SNAI3: variants seen among roughly 807,000 people sequenced by gnomAD.
SNAI3 encodes zinc finger protein SNAI3.
A neutral mutation model predicts 16.4 loss-of-function variants in SNAI3; 21 were observed. That is an observed-to-expected ratio of 1.28 (90% CI 0.91 to 1.85). The LOEUF (loss-of-function observed/expected upper bound fraction) is 1.85, where lower values mean the gene tolerates loss of function less well. Ranked by LOEUF, SNAI3 falls within the 40% of genes most tolerant of loss-of-function variation. The pLI is 0.00. For synonymous variants in SNAI3, 202 were observed against 166.6 expected (o/e 1.21, Z -1.64); for missense variants, 457 against 372.8 (o/e 1.23, Z -1.86).
In SNAI3 at chr16:88,681,169, G is replaced by C. The variant is rs752056919; in HGVS notation, c.622C>G (p.Pro208Ala). 7 of 1,613,860 alleles carry C rather than the reference G, an allele frequency of 4.3e-6. No homozygotes were observed. ...LKMHIRTHTLPCTCKICGKAF... is the reference protein window; with the variant it reads ...LKMHIRTHTLACTCKICGKAF... ...TTGCCACAGATCTTGCAGGTGCAGG[G>C]CAGCGTGTGAGTGCGGATGTGCATC... The change falls in exon 2 of 3, where the codon CCC becomes GCC. Residue 208 changes from proline (P) to alanine (A), a missense_variant. Coordinates refer to ENST00000332281, the MANE Select transcript of SNAI3 (RefSeq NM_178310.4). This position sits in a 1 kb window ranked among gnomAD's most constrained non-coding sequence, Gnocchi z 5.4.
intron 1 of SNAI3, among the ~76,000 whole-genome samples, chr16:88,684,726 A>G (rs972063297): frequency 6.6e-6 from 1 of 152,186 alleles, no homozygotes; most frequent in African/African-American, 2.4e-5. Context: ...CCTGACCTCA[A>G]GTGATCTGCC....
chr16:88,686,461 G>C lies in SNAI3; in HGVS notation c.-55C>G, dbSNP rs1413381758. ...GGCTGGGGCGGGAGGGGCGCGCCTG[G>C]GTCCGGACTGCTGCGTCCGCCGGCG... is the stretch of plus-strand genomic sequence containing the variant. On this transcript the variant is annotated 5_prime_UTR_variant, in exon 1 of 3. Transcript: ENST00000332281. 1.9e-6 allele frequency: 3 copies of C among 1,585,102 alleles called. No homozygotes were observed. Among genetic ancestry groups the C allele is most frequent in the Non-Finnish European group, 2.6e-6 (3 of 1,170,988 alleles).
At chr16:88,685,179 A>G (rs1909314613) in intron 1 of SNAI3, 1 of 152,238 alleles carries the variant, frequency 6.6e-6, no homozygotes, top group African/African-American at 2.4e-5. Flanking sequence ...CACATAACAG[A>G]AGCCAGTGTC....
At position 88,681,633 on chromosome 16, in the gene SNAI3, C is replaced by T; in HGVS notation, c.158G>A (p.Gly53Asp). 6.8e-7 allele frequency: 1 copy of T among 1,468,534 alleles called. No individual in the cohort carries two copies. Among genetic ancestry groups the T allele is most frequent in the Non-Finnish European group, 9.0e-7 (1 of 1,105,994 alleles). The allele number at this position is 1,468,534 out of a possible 1,614,324, so 91.0% of individuals were successfully genotyped here. ...PRDKEAPSVP[G>D]DLPQPWDRSS... ...GCGGTCCCAGGGCTGGGGAAGGTCACCGGGCACAGAAGGGGCCTCCTTGTC... is the reference window on the plus strand; with the variant it reads ...GCGGTCCCAGGGCTGGGGAAGGTCATCGGGCACAGAAGGGGCCTCCTTGTC... Residue 53 changes from glycine to aspartate, a missense_variant, in exon 2 of 3, where the codon GGT becomes GAT. Physicochemically the swap from Gly to Asp is moderately conservative, Grantham distance 94. Transcript: ENST00000332281. This position sits in a 1 kb window ranked among gnomAD's most constrained non-coding sequence, Gnocchi z 5.4.
At chr16:88,682,613 G>C (rs1909212502) in intron 1 of SNAI3, among the ~76,000 whole-genome samples, 1 of 152,112 alleles carries the variant, frequency 6.6e-6, no homozygotes, top group Non-Finnish European at 1.5e-5. Context: ...TGAGGCTTTG[G>C]GTAGAGACAG....
At chr16:88,683,743 C>T (rs561359852) in intron 1 of SNAI3, among the ~76,000 whole-genome samples, 27 of 151,888 alleles carry the variant, frequency 1.8e-4, no homozygotes, top group South Asian at 4.2e-4. Context: ...GTTTAGTAGA[C>T]GCGGGTTTTT....
intron 1 of SNAI3, among the ~76,000 whole-genome samples, chr16:88,683,524 G>A (rs1051944791): frequency 6.7e-6 from 1 of 148,758 alleles, no homozygotes; most frequent in Non-Finnish European, 1.5e-5. Context: ...AAAGTACTGG[G>A]ATTACAGGCA....
At chr16:88,678,693 C>A in intron 2 of SNAI3, 64 bp from the exon 3 acceptor site, 1 of 1,534,012 alleles carries the variant, frequency 6.5e-7, no homozygotes, top group South Asian at 1.2e-5. Context: ...AAGCACCCAC[C>A]CTGCCCATCA....
intron 1 of SNAI3, among the ~76,000 whole-genome samples, chr16:88,682,604 G>A (rs1194955102): frequency 6.6e-6 from 1 of 152,168 alleles, no homozygotes; most frequent in African/African-American, 2.4e-5. Flanking sequence ...CCTCCATGCT[G>A]AGGCTTTGGG....
rs372730251 is a variant in SNAI3 at position 88,681,457 on chromosome 16, G to C, written c.334C>G (p.Leu112Val). 3 of 1,598,298 alleles carry C rather than the reference G, an allele frequency of 1.9e-6. No homozygotes were observed. Among genetic ancestry groups the C allele is most frequent in the Non-Finnish European group, 2.6e-6 (3 of 1,169,084 alleles). Reference sequence around the variant, plus strand: ...AGCACCAGCAGTGGGGGCAGGTTGAGGTGGTTCAGGCTGTCTTTGAGGGGT... The same window carrying C: ...AGCACCAGCAGTGGGGGCAGGTTGACGTGGTTCAGGCTGTCTTTGAGGGGT... ...IVPLKDSLNH[L>V]NLPPLLVLPT... The change falls in exon 2 of 3, where the codon CTC becomes GTC. Residue 112 changes from leucine to valine, a missense_variant. Physicochemically the swap from Leu to Val is conservative, Grantham distance 32 (BLOSUM62 1). Coordinates refer to ENST00000332281, the MANE Select transcript of SNAI3 (RefSeq NM_178310.4). The surrounding 1 kb of genome is among the most constrained non-coding windows in gnomAD (Gnocchi z 5.4).
Position 88,686,478 on chromosome 16 carries a change from C to A in SNAI3, c.-72G>T, listed in dbSNP as rs529868024. The A allele has an allele frequency of 1.4e-4, 215 of 1,571,594 alleles. No individual in the cohort carries two copies. The highest frequency in any genetic ancestry group is 9.3e-4 in the Admixed American group (52 of 55,890). On this transcript the variant is annotated 5_prime_UTR_variant, in exon 1 of 3. Coordinates refer to ENST00000332281, the MANE Select transcript of SNAI3 (RefSeq NM_178310.4). The stretch of plus-strand genomic sequence containing the variant: ...CGCGCCTGGGTCCGGACTGCTGCGT[C>A]CGCCGGCGCTTGAAGGGGTCAGGCT...
chr16:88,679,131 T>C (rs1427262163), intron 2 of SNAI3: 3 of 982,130 alleles, frequency 3.1e-6, no homozygotes, highest in African/African-American at 1.7e-5. Flanking sequence ...TGTAGCCCCA[T>C]AGAGTCCTGA....
rs1295131828 is a variant in SNAI3, at chr16:88,681,277, G to C, written c.514C>G (p.Gln172Glu). 1 of 1,613,316 alleles carries C rather than the reference G, an allele frequency of 6.2e-7. No individual in the cohort carries two copies. Residue 172 changes from glutamine to glutamate, a missense_variant, in exon 2 of 3, where the codon CAG becomes GAG. Gln to Glu is a conservative substitution (Grantham distance 29). Transcript: ENST00000332281. This position sits in a 1 kb window ranked among gnomAD's most constrained non-coding sequence, Gnocchi z 5.4. ...CCCACCTGCAGGTGGCAGTGCAGCTGCCGGTGCCTGGCCAGCCCGGCCAGC... is the reference window on the plus strand; with the variant it reads ...CCCACCTGCAGGTGGCAGTGCAGCTCCCGGTGCCTGGCCAGCCCGGCCAGC... ...HTLAGLARHR[Q>E]LHCHLQVGRV...
In SNAI3 at chr16:88,678,402, C is replaced by T. The variant is rs1909044242; in HGVS notation, c.*46G>A. On this transcript the variant is annotated 3_prime_UTR_variant, in exon 3 of 3. Transcript: ENST00000332281. ...TCTGGGGGCAGGAGGGACGCCAGCT[C>T]TCCCGGTGAGGACCATCCCTCCTAC... 1 of 705,108 alleles carries T rather than the reference C, an allele frequency of 1.4e-6. No individual in the cohort carries two copies. Among genetic ancestry groups the T allele is most frequent in the East Asian group, 2.5e-5 (1 of 39,642 alleles). 43.7% of individuals were successfully genotyped at this position (705,108 alleles called of 1,614,324 possible).
rs901587807 is a variant in SNAI3 at position 88,678,177 on chromosome 16, T to G, written c.*271A>C. ...CCCCGGAGACCTGGCCGTGTCGAAA[T>G]GGAACCATGGCTCTTGTTCTGATGA... On this transcript the variant is annotated 3_prime_UTR_variant, in exon 3 of 3. Transcript: ENST00000332281. 2.6e-6 allele frequency: 1 copy of G among 391,422 alleles called. No homozygotes were observed. Among genetic ancestry groups the G allele is most frequent in the Non-Finnish European group, 4.6e-6 (1 of 216,784 alleles). 24.2% of individuals were successfully genotyped at this position (391,422 alleles called of 1,614,324 possible).
At chr16:88,680,184 G>A (rs1021028665) in intron 2 of SNAI3, among the ~76,000 whole-genome samples, 3 of 151,166 alleles carry the variant, frequency 2.0e-5, no homozygotes, top group South Asian at 2.1e-4. Context: ...TTCTTTGCAC[G>A]CTGAGGTTGA....
At position 88,686,397 on chromosome 16, in the gene SNAI3, A is replaced by T. The variant is rs756272670; in HGVS notation, c.10T>A (p.Ser4Thr). Residue 4 changes from serine to threonine, a missense_variant, in exon 1 of 3, where the codon TCC (serine) becomes ACC (threonine). Physicochemically the swap from Ser to Thr is moderately conservative, Grantham distance 58 (BLOSUM62 1). Transcript: ENST00000332281. Reference protein sequence around the residue: MPRSFLVKTHSSHR... With the variant: MPRTFLVKTHSSHR... ...CTGGAGTGCGTTTTCACCAGGAAGG[A>T]GCGCGGCATGTTCCCCTCCCGGGCG... The T allele has an allele frequency of 5.0e-6, 8 of 1,610,970 alleles. No homozygotes were observed. The Admixed American group carries it at 1.3e-4, about 27-fold the overall frequency.
chr16:88,679,775 A>AGAAAAAG (rs754024268), intron 2 of SNAI3, among the ~76,000 whole-genome samples: 32 of 106,594 alleles, frequency 3.0e-4, no homozygotes, highest in South Asian at 9.5e-4. Context: ...AAAAAAAAAA[A>AGAAAAAG]AAAAAAAGAA....
At chr16:88,686,028 G>A (rs1028620337) in intron 1 of SNAI3, 5 of 275,084 alleles carry the variant, frequency 1.8e-5, no homozygotes, top group Non-Finnish European at 2.8e-5. Flanking sequence ...TGGTTGGGAC[G>A]GGCGGCTGTA....
Sources: gnomAD v4.1 joint callset for allele counts (sites outside exome capture counted in the v4.1 genomes callset) on GRCh38, gnomAD v4.1.1 for gene constraint, Gnocchi (gnomAD v3.1) non-coding constraint, MANE v1.5 for transcripts, NCBI Gene and HGNC (gene_info 2026-07-23, HGNC 2026-07-21) for gene names.